Variants in GALNTL6 observed in about 807,000 individuals in gnomAD.
GALNTL6 encodes the protein polypeptide N-acetylgalactosaminyltransferase like 6, also known as polypeptide N-acetylgalactosaminyltransferase-like 6.
In GALNTL6, 46 loss-of-function variants were observed where a neutral mutation model predicts 73.7. The ratio of observed to expected loss-of-function variants is 0.62; its 90% CI spans 0.49 to 0.80. The LOEUF (loss-of-function observed/expected upper bound fraction) is 0.80, where lower values mean the gene tolerates loss of function less well. Ranked by LOEUF, GALNTL6 falls within the 30% of genes least tolerant of loss-of-function variation. GALNTL6 has a pLI of 0.00. For missense variants in GALNTL6, 604 were observed against 755.0 expected (o/e 0.80, Z 2.34); for synonymous variants, 259 against 263.7 (o/e 0.98, Z 0.17).
At chr4:172,959,980 T>C (rs1371766145) in intron 10 of GALNTL6, among the ~76,000 whole-genome samples, 2 of 152,208 alleles carry the variant, frequency 1.3e-5, no homozygotes, top group East Asian at 1.9e-4. Flanking sequence ...GCTACTTGGC[T>C]GCCTCTACTC....
chr4:172,443,942 CTAG>C (rs1195764621), intron 5 of GALNTL6, among the ~76,000 whole-genome samples: 1 of 152,034 alleles, frequency 6.6e-6, no homozygotes, highest in Non-Finnish European at 1.5e-5. Context: ...GTGAAGTGGC[CTAG>C]CATAATTGAA....
intron 5 of GALNTL6, among the ~76,000 whole-genome samples, chr4:172,553,900 A>T (rs978143496): frequency 6.6e-6 from 1 of 152,136 alleles, no homozygotes; most frequent in Admixed American, 6.6e-5. Flanking sequence ...CTACAAAAAA[A>T]TTAGCCAGGC....
chr4:172,380,001 TG>T (rs1282306960), intron 5 of GALNTL6: 2 of 881,826 alleles, frequency 2.3e-6, no homozygotes, highest in East Asian at 5.0e-5. Context: ...ACAGGAGAAG[TG>T]ATGCATACTT....
intron 5 of GALNTL6, among the ~76,000 whole-genome samples, chr4:172,784,441 T>TA (rs1030393601): frequency 1.4e-4 from 22 of 152,080 alleles, no homozygotes; most frequent in Non-Finnish European, 2.8e-4. Context: ...ATTGCTTTTG[T>TA]AAAAAAATAC....
At chr4:172,548,931 C>G (rs1053927846) in intron 5 of GALNTL6, among the ~76,000 whole-genome samples, 3 of 152,028 alleles carry the variant, frequency 2.0e-5, no homozygotes, top group Admixed American at 1.3e-4. Flanking sequence ...AATGTTGTTT[C>G]TCTATTATTT....
chr4:172,677,889 G>A (rs1156429160), intron 5 of GALNTL6, among the ~76,000 whole-genome samples: 2 of 151,958 alleles, frequency 1.3e-5, no homozygotes, highest in East Asian at 1.9e-4. Flanking sequence ...AAAAAATTCC[G>A]AAGCAGAGAA....
intron 5 of GALNTL6, among the ~76,000 whole-genome samples, chr4:172,777,797 G>A (rs1739153201): frequency 6.6e-6 from 1 of 152,082 alleles, no homozygotes; most frequent in Admixed American, 6.5e-5. Context: ...TTACAAATGG[G>A]TCTGTCTTCC....
intron 2 of GALNTL6, among the ~76,000 whole-genome samples, chr4:171,989,477 G>A (rs541498256): frequency 9.2e-5 from 14 of 152,330 alleles, no homozygotes; most frequent in South Asian, 2.1e-4. Context: ...CCAGTGGCCA[G>A]ATTTCCGGCA....
chr4:171,830,886 A>G (rs1734952050), intron 2 of GALNTL6, among the ~76,000 whole-genome samples: 1 of 152,152 alleles, frequency 6.6e-6, no homozygotes, highest in South Asian at 2.1e-4. Context: ...TTACTATAAA[A>G]TGTGTAGGCA....
intron 2 of GALNTL6, among the ~76,000 whole-genome samples, chr4:172,046,908 A>C (rs542742276): frequency 9.9e-5 from 15 of 152,206 alleles, no homozygotes; most frequent in African/African-American, 3.4e-4. Flanking sequence ...CTTTTATTGC[A>C]ACCCCGACCA....
chr4:172,696,880 C>G (rs1027005911), intron 5 of GALNTL6, among the ~76,000 whole-genome samples: 1 of 152,188 alleles, frequency 6.6e-6, no homozygotes, highest in Non-Finnish European at 1.5e-5. Flanking sequence ...AGAGATGTTA[C>G]TTATCAATAA....
intron 2 of GALNTL6, among the ~76,000 whole-genome samples, chr4:172,071,420 C>A (rs532149757): frequency 9.1e-6 from 1 of 109,724 alleles, no homozygotes; most frequent in East Asian, 2.1e-4. Flanking sequence ...AAACATTATC[C>A]TGTCAGAACC....
intron 2 of GALNTL6, among the ~76,000 whole-genome samples, chr4:172,086,395 A>C (rs977668589): frequency 1.3e-5 from 2 of 151,802 alleles, no homozygotes; most frequent in African/African-American, 4.9e-5. Context: ...ATCACTTATA[A>C]TGTCAATTTT....
chr4:172,155,562 T>G (rs1734229892), intron 2 of GALNTL6, among the ~76,000 whole-genome samples: 1 of 152,220 alleles, frequency 6.6e-6, no homozygotes, highest in African/African-American at 2.4e-5. Context: ...CTACAGCATA[T>G]TTTCTACCAG....
chr4:172,268,266 A>C (rs1409727287), intron 3 of GALNTL6, among the ~76,000 whole-genome samples: 1 of 152,198 alleles, frequency 6.6e-6, no homozygotes, highest in Non-Finnish European at 1.5e-5. Context: ...ACTGAGAGAA[A>C]GATTGGCATG....
At chr4:171,838,416 C>A (rs1735158222) in intron 2 of GALNTL6, among the ~76,000 whole-genome samples, 1 of 152,074 alleles carries the variant, frequency 6.6e-6, no homozygotes, top group African/African-American at 2.4e-5. Flanking sequence ...AGCCACCACG[C>A]CCAGCCTCTG....
At chr4:172,279,693 A>G (rs115780915) in intron 3 of GALNTL6, among the ~76,000 whole-genome samples, 4,148 of 152,236 alleles carry the variant, frequency 0.027, 172 homozygotes, top group African/African-American at 0.093. Flanking sequence ...AATAGAATGC[A>G]ATTGCTATAT....
chr4:173,023,850 CA>C (rs1753116886), intron 12 of GALNTL6, among the ~76,000 whole-genome samples: 1 of 151,688 alleles, frequency 6.6e-6, no homozygotes, highest in South Asian at 2.1e-4. Context: ...TGCTATTCAA[CA>C]TGATACAGCC....
At chr4:172,949,194 A>G (rs1227245180) in intron 9 of GALNTL6, among the ~76,000 whole-genome samples, 1 of 152,232 alleles carries the variant, frequency 6.6e-6, no homozygotes, top group African/African-American at 2.4e-5. Flanking sequence ...TTCAATGATT[A>G]GCATGTCCAG....
Sources: gnomAD v4.1 joint callset for allele counts (sites outside exome capture counted in the v4.1 genomes callset) on GRCh38, gnomAD v4.1.1 for gene constraint, MANE v1.5 for transcripts, NCBI Gene and HGNC (gene_info 2026-07-23, HGNC 2026-07-21) for gene names.